SLC25A30: variants seen among roughly 807,000 people sequenced by gnomAD.
SLC25A30 encodes the protein kidney mitochondrial carrier protein 1.
In SLC25A30, 29 loss-of-function variants were observed where a neutral mutation model predicts 42.7. The ratio of observed to expected loss-of-function variants is 0.68; its 90% confidence interval spans 0.51 to 0.93. The LOEUF is 0.93. Ranked by LOEUF, SLC25A30 falls within the 40% of genes least tolerant of loss-of-function variation. SLC25A30 has a pLI of 0.00. For missense variants in SLC25A30, 300 were observed against 359.7 expected (o/e 0.83, Z 1.34); for synonymous variants, 124 against 131.0 (o/e 0.95, Z 0.37).
chr13:45,409,924 T>C (rs1882854775), intron 2 of SLC25A30, among the ~76,000 whole-genome samples: 1 of 152,194 alleles, frequency 6.6e-6, no homozygotes, highest in South Asian at 2.1e-4. Context: ...TGATTCACTG[T>C]GTCAATGGGA....
At chr13:45,403,347 T>A (rs529496116) in intron 5 of SLC25A30, among the ~76,000 whole-genome samples, 53 of 152,294 alleles carry the variant, frequency 3.5e-4, no homozygotes, top group Non-Finnish European at 5.3e-4. Flanking sequence ...AGGGTCCTTG[T>A]CTTACTCATA....
the SLC25A30 span, among the ~76,000 whole-genome samples, chr13:45,427,764 G>GTTTTTT: frequency 2.1e-5 from 1 of 48,772 alleles, no homozygotes; most frequent in South Asian, 3.9e-4. Flanking sequence ...TTTTCTTTTT[G>GTTTTTT]AGACAGATCT....
the SLC25A30 span, among the ~76,000 whole-genome samples, chr13:45,423,624 A>T: frequency 7.0e-4 from 53 of 75,354 alleles, 1 homozygote; most frequent in Non-Finnish European, 9.9e-4. Flanking sequence ...TAAAATATAT[A>T]TATATAAATA....
At chr13:45,423,794 ATATATATT>A in the SLC25A30 span, among the ~76,000 whole-genome samples, 1 of 67,582 alleles carries the variant, frequency 1.5e-5, no homozygotes, top group Non-Finnish European at 2.6e-5. Flanking sequence ...AAATATATAA[ATATATATT>A]TATATATATA....
chr13:45,402,338 T>G lies in SLC25A30; in HGVS notation c.426A>C (p.Gln142His). 1 of 1,614,114 alleles carries G rather than the reference T, an allele frequency of 6.2e-7. No homozygotes were observed. Among genetic ancestry groups the G allele is most frequent in the Non-Finnish European group, 8.5e-7 (1 of 1,179,982 alleles). Residue 142 changes from glutamine (Q) to histidine (H), a missense_variant, in exon 6 of 10, where the codon CAA (glutamine) becomes CAC (histidine). Physicochemically the swap from Gln to His is conservative, Grantham distance 24 (BLOSUM62 0). Transcript: ENST00000519676. ...TCATGAAGTTGCCTATCATTCCTCC[T>G]TGAATGGTGTTGCTTTGCGCTTGCA... ...IRMQAQSNTI[Q>H]GGMIGNFMNI...
the SLC25A30 span, among the ~76,000 whole-genome samples, chr13:45,423,576 T>TATAC: frequency 1.2e-5 from 1 of 81,516 alleles, no homozygotes; most frequent in South Asian, 3.4e-4. Flanking sequence ...TAAATATATA[T>TATAC]AAAAATATAT....
upstream of SLC25A30, among the ~76,000 whole-genome samples, chr13:45,420,836 G>C (rs1282579901): frequency 6.6e-6 from 1 of 152,098 alleles, no homozygotes; most frequent in African/African-American, 2.4e-5. Flanking sequence ...AAAGTGCTGG[G>C]AGTACAGGCA....
the SLC25A30 span, among the ~76,000 whole-genome samples, chr13:45,426,388 T>G: frequency 6.6e-6 from 1 of 152,080 alleles, no homozygotes; most frequent in Non-Finnish European, 1.5e-5. Flanking sequence ...CCCGGCCCAG[T>G]TTTTATATTT....
chr13:45,399,063 A>G lies in SLC25A30; in HGVS notation c.630T>C (p.Cys210=). 1 of 1,609,258 alleles carries G rather than the reference A, an allele frequency of 6.2e-7. No individual in the cohort carries two copies. The highest frequency in any genetic ancestry group is 1.1e-5 in the South Asian group (1 of 90,042). Reference sequence around the variant, plus strand: ...TTGAGGCCAGGGCCCCTGCCAGACCACAGGTGAAGCTTGAGCTATAAAGAC... The same window carrying G: ...TTGAGGCCAGGGCCCCTGCCAGACCGCAGGTGAAGCTTGAGCTATAAAGAC... ...VYTHFLSSFT[C]GLAGALASNP... is the part of the protein sequence containing the mutation. The change falls in exon 8 of 10, where the codon TGT becomes TGC. Residue 210 remains cysteine, a synonymous_variant. Transcript: ENST00000519676.
chr13:45,424,895 AAT>A, the SLC25A30 span, among the ~76,000 whole-genome samples: 27 of 37,788 alleles, frequency 7.1e-4, no homozygotes, highest in East Asian at 0.011. Context: ...TATATATTTA[AAT>A]ATATATAAAT....
At position 45,395,516 on chromosome 13, in the gene SLC25A30, T is replaced by C. The variant is rs112612543; in HGVS notation, c.*458A>G. 3 of 1,050,598 alleles carry C rather than the reference T, an allele frequency of 2.9e-6. No individual in the cohort carries two copies. Among genetic ancestry groups the C allele is most frequent in the Admixed American group, 4.9e-5 (1 of 20,446 alleles). The allele number at this position is 1,050,598 out of a possible 1,614,324, so 65.1% of individuals were successfully genotyped here. A position where few individuals can be genotyped will look rare whatever the true frequency, so the allele number is the denominator to read the frequency against. On this transcript the variant is annotated 3_prime_UTR_variant, in exon 10 of 10. Coordinates refer to ENST00000519676, the MANE Select transcript of SLC25A30 (RefSeq NM_001010875.4). ...GTCTCCATACATGAAATTTCTTCAG[T>C]TGACAAGGAGCAAAATCTCCCAGAA...
chr13:45,396,682 G>C (rs1281999171), intron 9 of SLC25A30: 1 of 154,814 alleles, frequency 6.5e-6, no homozygotes, highest in Non-Finnish European at 1.4e-5. Flanking sequence ...CAAGGCAAGA[G>C]AATTGCTAGA....
At chr13:45,416,798 A>G (rs1225868373) in intron 1 of SLC25A30, among the ~76,000 whole-genome samples, 1 of 152,060 alleles carries the variant, frequency 6.6e-6, no homozygotes, top group African/African-American at 2.4e-5. Flanking sequence ...GGTTAAAAAC[A>G]AGTTTTCTGA....
rs1881106790 is a variant in SLC25A30, at chr13:45,393,592, T to C, written c.*2382A>G. The C allele has an allele frequency of 1.0e-6, 1 of 985,314 alleles. No individual in the cohort carries two copies. The highest frequency in any genetic ancestry group is 1.7e-5 in the African/African-American group (1 of 57,246). 61.0% of individuals were successfully genotyped at this position (985,314 alleles called of 1,614,324 possible). A position where few individuals can be genotyped will look rare whatever the true frequency, so the allele number is the denominator to read the frequency against. On this transcript the variant is annotated 3_prime_UTR_variant, in exon 10 of 10. Transcript: ENST00000519676. ...TTGGTTATAAAAACTAGAATTCCTT[T>C]TGGCATATTTAAGAAAACCCAAAGG...
At chr13:45,404,681 T>C (rs1882331367) in intron 4 of SLC25A30, among the ~76,000 whole-genome samples, 3 of 151,998 alleles carry the variant, frequency 2.0e-5, no homozygotes, top group Admixed American at 2.0e-4. Context: ...TAGCTGGACA[T>C]GGTGGCAGCT....
chr13:45,423,741 A>ATATATAAAT, the SLC25A30 span, among the ~76,000 whole-genome samples: 1 of 19,640 alleles, frequency 5.1e-5, no homozygotes, highest in East Asian at 8.5e-4. Context: ...AATATATATA[A>ATATATAAAT]ATATATAAAT....
At chr13:45,425,676 A>G in the SLC25A30 span, among the ~76,000 whole-genome samples, 2 of 129,980 alleles carry the variant, frequency 1.5e-5, no homozygotes, top group African/African-American at 5.6e-5. Flanking sequence ...ATATATAAGT[A>G]TATATAAATA....
chr13:45,418,416 C>G (rs1319932421), upstream of SLC25A30: 1 of 152,346 alleles, frequency 6.6e-6, no homozygotes, highest in Non-Finnish European at 1.5e-5. Context: ...CGAGCCTGCA[C>G]GCAGCCCCGC....
rs755053231 is a variant in SLC25A30, at chr13:45,395,937, C to A, written c.*37G>T. ...GGAAGCTTTGCTGTTTCAGAAGTTA[C>A]CATTTTCAGAAAGATGTCTCATGCA... On this transcript the variant is annotated 3_prime_UTR_variant, in exon 10 of 10. Coordinates refer to ENST00000519676, the MANE Select transcript of SLC25A30 (RefSeq NM_001010875.4). 1 of 1,614,128 alleles carries A rather than the reference C, an allele frequency of 6.2e-7. No homozygotes were observed. The highest frequency in any genetic ancestry group is 8.5e-7 in the Non-Finnish European group (1 of 1,180,004).
Sources: allele counts gnomAD v4.1 joint callset (sites outside exome capture counted in the v4.1 genomes callset), GRCh38; gene constraint gnomAD v4.1.1; transcripts MANE v1.5; gene names NCBI Gene and HGNC (gene_info 2026-07-23, HGNC 2026-07-21).